Variants in SPMIP3 observed in about 807,000 individuals in gnomAD.
The protein encoded by SPMIP3 is protein SPMIP3.
chr1:244,358,582 CAAA>C, the SPMIP3 span, among the ~76,000 whole-genome samples: 1 of 142,752 alleles, frequency 7.0e-6, no homozygotes. Context: ...GAGAGTGTCT[CAAA>C]AAAAAAAAAA....
chr1:244,362,997 C>T, the SPMIP3 span, among the ~76,000 whole-genome samples: 2 of 150,198 alleles, frequency 1.3e-5, no homozygotes, highest in Admixed American at 6.6e-5. Flanking sequence ...GCATGCACCT[C>T]CACACCAGGC....
chr1:244,380,918 A>G, the SPMIP3 span, among the ~76,000 whole-genome samples: 13,545 of 151,434 alleles, frequency 0.089, 736 homozygotes, highest in Admixed American at 0.16. Context: ...GGGGTTTGGG[A>G]TGAGAGGCTT....
the SPMIP3 span, among the ~76,000 whole-genome samples, chr1:244,367,512 C>T: frequency 1.3e-5 from 2 of 152,104 alleles, no homozygotes; most frequent in African/African-American, 4.8e-5. Flanking sequence ...ACAGAGCTGC[C>T]TCACGGTGCG....
At chr1:244,353,197 G>A in the SPMIP3 span, among the ~76,000 whole-genome samples, 1 of 152,232 alleles carries the variant, frequency 6.6e-6, no homozygotes, top group East Asian at 1.9e-4. Context: ...AAACGAAGTG[G>A]TCCCCAACAT....
At chr1:244,360,519 C>T in the SPMIP3 span, among the ~76,000 whole-genome samples, 2 of 54,876 alleles carry the variant, frequency 3.6e-5, no homozygotes, top group East Asian at 5.0e-4. Context: ...TACACACACA[C>T]ACACACACAC....
the SPMIP3 span, among the ~76,000 whole-genome samples, chr1:244,362,173 C>T: frequency 5.3e-5 from 8 of 152,304 alleles, no homozygotes; most frequent in African/African-American, 9.6e-5. Context: ...GCTGGCCAGC[C>T]GGCAGGCAAT....
chr1:244,362,385 C>T, the SPMIP3 span, among the ~76,000 whole-genome samples: 7 of 152,174 alleles, frequency 4.6e-5, no homozygotes, highest in Non-Finnish European at 8.8e-5. Flanking sequence ...TCCTTGGTAA[C>T]CTCATACAAG....
chr1:244,362,877 A>T, the SPMIP3 span, among the ~76,000 whole-genome samples: 1 of 120,544 alleles, frequency 8.3e-6, no homozygotes, highest in East Asian at 2.2e-4. Context: ...ACAGGGTCTC[A>T]CTGTCACCCA....
the SPMIP3 span, among the ~76,000 whole-genome samples, chr1:244,385,866 A>G: frequency 7.1e-4 from 108 of 152,164 alleles, no homozygotes; most frequent in Admixed American, 2.3e-3. Context: ...GTAATCCTTG[A>G]AAAATATCTT....
chr1:244,382,474 G>C, the SPMIP3 span, among the ~76,000 whole-genome samples: 1 of 152,126 alleles, frequency 6.6e-6, no homozygotes, highest in African/African-American at 2.4e-5. Context: ...TGTTTGGTGG[G>C]TAACGAGTGA....
the SPMIP3 span, among the ~76,000 whole-genome samples, chr1:244,361,918 C>G: frequency 9.9e-5 from 15 of 152,134 alleles, no homozygotes; most frequent in East Asian, 1.9e-4. Context: ...ACTCCAGTCA[C>G]GAAGCTTTCG....
At chr1:244,375,506 C>A in the SPMIP3 span, 1 of 1,535,078 alleles carries the variant, frequency 6.5e-7, no homozygotes, top group Non-Finnish European at 9.0e-7. Flanking sequence ...AAGAATGTCA[C>A]GAAAGCTACA....
the SPMIP3 span, among the ~76,000 whole-genome samples, chr1:244,373,836 G>A: frequency 3.9e-5 from 6 of 152,056 alleles, no homozygotes; most frequent in South Asian, 2.1e-4. Flanking sequence ...ATTTCTGGCC[G>A]GGTGCAGTGG....
chr1:244,385,688 T>G, the SPMIP3 span, among the ~76,000 whole-genome samples: 106 of 152,294 alleles, frequency 7.0e-4, no homozygotes, highest in Admixed American at 1.2e-3. Context: ...TGTGCCTGTA[T>G]GTACTATTAC....
At chr1:244,382,385 G>A in the SPMIP3 span, among the ~76,000 whole-genome samples, 1 of 152,098 alleles carries the variant, frequency 6.6e-6, no homozygotes, top group East Asian at 1.9e-4. Flanking sequence ...GGCATTTCAG[G>A]CAAAAGTAAC....
the SPMIP3 span, among the ~76,000 whole-genome samples, chr1:244,371,998 C>T: frequency 6.6e-6 from 1 of 152,236 alleles, no homozygotes; most frequent in Non-Finnish European, 1.5e-5. Flanking sequence ...CAGAGGTCGT[C>T]TTTGCACAGA....
At chr1:244,376,651 T>C in the SPMIP3 span, among the ~76,000 whole-genome samples, 5 of 152,178 alleles carry the variant, frequency 3.3e-5, no homozygotes, top group Non-Finnish European at 7.3e-5. Context: ...TTTTTGGTAA[T>C]AGCTGCATTG....
the SPMIP3 span, among the ~76,000 whole-genome samples, chr1:244,382,611 T>TG: frequency 2.7e-5 from 4 of 148,364 alleles, no homozygotes; most frequent in Admixed American, 6.8e-5. Flanking sequence ...TTTTTTTTTT[T>TG]TTTTTTTTTT....
chr1:244,375,247 G>A, the SPMIP3 span: 1 of 663,400 alleles, frequency 1.5e-6, no homozygotes, highest in Non-Finnish European at 2.5e-6. Context: ...GGGTTTTAGG[G>A]GCTCAGTGCC....
Sources: allele counts gnomAD v4.1 joint callset (sites outside exome capture counted in the v4.1 genomes callset), GRCh38; gene constraint gnomAD v4.1.1; transcripts MANE v1.5; gene names NCBI Gene and HGNC (gene_info 2026-07-23, HGNC 2026-07-21).